Variants in DCC observed in about 807,000 individuals in gnomAD.
DCC encodes DCC netrin 1 receptor.
A neutral mutation model predicts 172.5 loss-of-function variants in DCC; 58 were observed. The observed-to-expected ratio is 0.34, with a 90% CI of 0.27 to 0.42. The LOEUF is 0.42. Among genes scored for constraint, DCC ranks in the 10% least tolerant of loss-of-function variants. The probability of loss-of-function intolerance (pLI) is 1.00; values close to 1 mark genes in which losing one functional copy is unlikely to be tolerated. For missense variants in DCC, 1,740 were observed against 1,791.0 expected (o/e 0.97, Z 0.51); for synonymous variants, 709 against 644.5 (o/e 1.10, Z -1.52).
intron 2 of DCC, among the ~76,000 whole-genome samples, chr18:52,838,365 C>A (rs1020538882): frequency 3.3e-5 from 5 of 151,980 alleles, no homozygotes; most frequent in African/African-American, 1.2e-4. Context: ...ATATTTGAAT[C>A]ACATTCTGGT....
intron 2 of DCC, among the ~76,000 whole-genome samples, chr18:52,770,533 A>G (rs1284075009): frequency 6.6e-6 from 1 of 152,170 alleles, no homozygotes; most frequent in African/African-American, 2.4e-5. Flanking sequence ...AGTCAGAATC[A>G]TATCTGTCAT....
At chr18:53,040,693 A>G (rs2042157023) in intron 5 of DCC, among the ~76,000 whole-genome samples, 1 of 151,998 alleles carries the variant, frequency 6.6e-6, no homozygotes, top group African/African-American at 2.4e-5. Flanking sequence ...GGAAAAAACA[A>G]ACCATCATAG....
At chr18:53,259,894 G>A (rs1377315836) in intron 12 of DCC, among the ~76,000 whole-genome samples, 1 of 71,700 alleles carries the variant, frequency 1.4e-5, no homozygotes, top group African/African-American at 5.1e-5. Context: ...ATATTTCTTG[G>A]AGGCTTTGTT....
At chr18:53,168,212 G>T (rs979455116) in intron 8 of DCC, among the ~76,000 whole-genome samples, 5 of 152,046 alleles carry the variant, frequency 3.3e-5, no homozygotes, top group African/African-American at 9.7e-5. Context: ...TCCCATTACT[G>T]GGTATATACC....
At chr18:52,554,379 A>G (rs2032854802) in intron 1 of DCC, among the ~76,000 whole-genome samples, 1 of 152,114 alleles carries the variant, frequency 6.6e-6, no homozygotes, top group Non-Finnish European at 1.5e-5. Flanking sequence ...CAGGGGCTGC[A>G]CTTGACTTGG....
chr18:52,742,422 C>T (rs1035716471), intron 1 of DCC, among the ~76,000 whole-genome samples: 2 of 151,972 alleles, frequency 1.3e-5, no homozygotes, highest in African/African-American at 4.8e-5. Flanking sequence ...AATATAAAAC[C>T]TAGAAGGATA....
At chr18:53,425,909 A>C (rs1910904420) in intron 21 of DCC, among the ~76,000 whole-genome samples, 1 of 152,142 alleles carries the variant, frequency 6.6e-6, no homozygotes, top group Admixed American at 6.6e-5. Context: ...TCTTTCTAAA[A>C]TATATGTGTA....
chr18:52,689,794 T>C (rs1478667497), intron 1 of DCC, among the ~76,000 whole-genome samples: 1 of 152,164 alleles, frequency 6.6e-6, no homozygotes, highest in South Asian at 2.1e-4. Flanking sequence ...TTCAATCACT[T>C]ATGTATGCAT....
chr18:53,150,356 C>G (rs535069618), intron 7 of DCC, among the ~76,000 whole-genome samples: 8 of 152,316 alleles, frequency 5.3e-5, no homozygotes, highest in East Asian at 3.9e-4. Flanking sequence ...AAAGTCTTAA[C>G]ATAATCTCAC....
At chr18:53,071,514 C>T (rs1683916221) in intron 7 of DCC, among the ~76,000 whole-genome samples, 1 of 152,116 alleles carries the variant, frequency 6.6e-6, no homozygotes. Flanking sequence ...TATTTATTTT[C>T]TGTCTCTCTC....
chr18:52,796,408 T>G (rs188238849), intron 2 of DCC, among the ~76,000 whole-genome samples: 1 of 152,136 alleles, frequency 6.6e-6, no homozygotes, highest in Non-Finnish European at 1.5e-5. Flanking sequence ...AGTCTACCAG[T>G]GAGTTTTATA....
At chr18:52,489,680 AAT>A (rs1250817555) in intron 1 of DCC, among the ~76,000 whole-genome samples, 2 of 152,042 alleles carry the variant, frequency 1.3e-5, no homozygotes, top group African/African-American at 4.8e-5. Context: ...CATTGTTTAA[AAT>A]GCAAAAGATG....
chr18:52,419,246 CA>C (rs1987162657), intron 1 of DCC: 1 of 152,190 alleles, frequency 6.6e-6, no homozygotes, highest in Admixed American at 6.5e-5. Flanking sequence ...GGATGCAGCA[CA>C]GGGTGTTGGA....
intron 1 of DCC, among the ~76,000 whole-genome samples, chr18:52,740,768 G>T (rs375818116): frequency 1.4e-3 from 207 of 152,250 alleles, no homozygotes; most frequent in African/African-American, 4.5e-3. Flanking sequence ...GTAGGTTCTT[G>T]GTCTCTTGGC....
chr18:52,545,606 A>G (rs1313158372), intron 1 of DCC, among the ~76,000 whole-genome samples: 1 of 152,224 alleles, frequency 6.6e-6, no homozygotes, highest in Non-Finnish European at 1.5e-5. Context: ...GTACCCGGAT[A>G]ATAGTATAAA....
chr18:53,435,176 G>C lies in DCC; in HGVS notation c.3196G>C (p.Asp1066His), dbSNP rs979491920. ...TGGAGATGGAGGTTATTGGCCAGTT[G>C]ATACTAATTTGATTGATAGAAGCAC... is the stretch of plus-strand genomic sequence containing the variant. Reference protein sequence around the residue: ...RHGDGGYWPVDTNLIDRSTLN... With the variant: ...RHGDGGYWPVHTNLIDRSTLN... The change falls in exon 22 of 29, where the codon GAT becomes CAT. Residue 1066 changes from aspartate to histidine, a missense_variant. Asp to His is a moderately conservative substitution (Grantham distance 81, BLOSUM62 -1). Coordinates refer to ENST00000442544, the MANE Select transcript of DCC (RefSeq NM_005215.4). The C allele has an allele frequency of 6.2e-7, 1 of 1,610,932 alleles. No homozygotes were observed. The highest frequency in any genetic ancestry group is 8.5e-7 in the Non-Finnish European group (1 of 1,177,372).
At chr18:53,179,241 A>G (rs1168739139) in intron 9 of DCC, 125 bp downstream of exon 9, 8 of 920,246 alleles carry the variant, frequency 8.7e-6, no homozygotes, top group Admixed American at 2.1e-5. Context: ...TCTTCTAAGT[A>G]AACTTATATA....
At chr18:52,966,910 G>A (rs927016218) in intron 5 of DCC, among the ~76,000 whole-genome samples, 6 of 152,168 alleles carry the variant, frequency 3.9e-5, no homozygotes, top group African/African-American at 1.4e-4. Flanking sequence ...TCGTTGACAT[G>A]CGTCTTTCCT....
chr18:53,179,988 A>G (rs1166596966), intron 9 of DCC, among the ~76,000 whole-genome samples: 1 of 152,218 alleles, frequency 6.6e-6, no homozygotes, highest in Non-Finnish European at 1.5e-5. Context: ...TTGTAATGAT[A>G]TTTTGATTTC....
Sources: gnomAD v4.1 joint callset for allele counts (sites outside exome capture counted in the v4.1 genomes callset) on GRCh38, gnomAD v4.1.1 for gene constraint, MANE v1.5 for transcripts, NCBI Gene and HGNC (gene_info 2026-07-23, HGNC 2026-07-21) for gene names.